The following SOX5 variants were observed in gnomAD, a reference collection of about 807,000 sequenced individuals.
SOX5 encodes the protein SRY-box transcription factor 5.
Under a neutral mutation model 92.0 loss-of-function variants are expected in SOX5, and 9 were observed. That is an observed-to-expected ratio of 0.10 (90% CI 0.06 to 0.17). The LOEUF (loss-of-function observed/expected upper bound fraction) is 0.17. Among genes scored for constraint, SOX5 ranks in the 10% least tolerant of loss-of-function variants. The probability of loss-of-function intolerance (pLI) is 1.00; values close to 1 mark genes in which losing one functional copy is unlikely to be tolerated. For synonymous variants in SOX5, 344 were observed against 336.3 expected (o/e 1.02, Z -0.25); for missense variants, 642 against 944.5 (o/e 0.68, Z 4.20).
At chr12:24,501,391 A>AT (rs965522857) in intron 1 of SOX5, among the ~76,000 whole-genome samples, 7 of 152,028 alleles carry the variant, frequency 4.6e-5, no homozygotes, top group Non-Finnish European at 2.9e-5. Flanking sequence ...AAAAAAAAAA[A>AT]ATATGTACAA....
intron 4 of SOX5, among the ~76,000 whole-genome samples, chr12:24,087,282 G>GA (rs1447581028): frequency 1.3e-5 from 2 of 151,892 alleles, no homozygotes; most frequent in Non-Finnish European, 2.9e-5. Context: ...AAATGCATAA[G>GA]AAAAAAGGAC....
intron 2 of SOX5, among the ~76,000 whole-genome samples, chr12:23,863,863 A>C (rs1228606236): frequency 6.6e-6 from 1 of 151,696 alleles, no homozygotes; most frequent in African/African-American, 2.4e-5. Context: ...GTATGGTCAC[A>C]AAATATGTTA....
chr12:24,008,031 C>T (rs1299745942), intron 4 of SOX5, among the ~76,000 whole-genome samples: 1 of 151,778 alleles, frequency 6.6e-6, no homozygotes, highest in Non-Finnish European at 1.5e-5. Flanking sequence ...ATAGCTGCCA[C>T]TCAATAAACC....
chr12:24,494,245 T>C (rs1458860827), intron 1 of SOX5, among the ~76,000 whole-genome samples: 1 of 152,168 alleles, frequency 6.6e-6, no homozygotes, highest in Non-Finnish European at 1.5e-5. Flanking sequence ...AAAATATAAA[T>C]AGCTCCTCTT....
chr12:24,071,693 C>G (rs1254608961), intron 4 of SOX5, among the ~76,000 whole-genome samples: 1 of 152,156 alleles, frequency 6.6e-6, no homozygotes, highest in Non-Finnish European at 1.5e-5. Flanking sequence ...CTCTGCCTCC[C>G]AAAGTGCTGG....
At chr12:23,832,832 A>G (rs956146607) in intron 3 of SOX5, among the ~76,000 whole-genome samples, 5 of 151,864 alleles carry the variant, frequency 3.3e-5, no homozygotes, top group African/African-American at 1.2e-4. Flanking sequence ...TAAAATTTGC[A>G]TTTCCTGCAA....
At chr12:23,887,550 G>A (rs2097081548) in intron 2 of SOX5, among the ~76,000 whole-genome samples, 1 of 152,094 alleles carries the variant, frequency 6.6e-6, no homozygotes, top group Non-Finnish European at 1.5e-5. Flanking sequence ...AAGAATTCAC[G>A]TAAGTCTCCG....
At chr12:24,153,028 C>T (rs1233274972) in intron 4 of SOX5, among the ~76,000 whole-genome samples, 1 of 152,092 alleles carries the variant, frequency 6.6e-6, no homozygotes, top group African/African-American at 2.4e-5. Flanking sequence ...TGGAGCAGAA[C>T]CTGACCAGGA....
intron 6 of SOX5, among the ~76,000 whole-genome samples, chr12:23,687,131 A>T (rs1239834048): frequency 6.6e-6 from 1 of 152,116 alleles, no homozygotes; most frequent in Non-Finnish European, 1.5e-5. Flanking sequence ...TACGTATTAT[A>T]AATATGCACT....
chr12:23,728,519 T>G (rs1241819673), intron 6 of SOX5, among the ~76,000 whole-genome samples: 1 of 152,210 alleles, frequency 6.6e-6, no homozygotes, highest in Non-Finnish European at 1.5e-5. Context: ...TTATTTCACC[T>G]GTAACATTAT....
chr12:23,652,577 T>C (rs1257028935), intron 7 of SOX5, among the ~76,000 whole-genome samples: 1 of 149,462 alleles, frequency 6.7e-6, no homozygotes, highest in East Asian at 2.0e-4. Flanking sequence ...CACCTTCACA[T>C]GTACAAAATG....
At chr12:24,524,589 T>A (rs1755003976) in intron 1 of SOX5, among the ~76,000 whole-genome samples, 1 of 152,092 alleles carries the variant, frequency 6.6e-6, no homozygotes, top group Non-Finnish European at 1.5e-5. Flanking sequence ...CCACTAATCA[T>A]CAGAGAAATG....
intron 4 of SOX5, among the ~76,000 whole-genome samples, chr12:24,117,812 G>C (rs1948181106): frequency 6.6e-6 from 1 of 151,872 alleles, no homozygotes; most frequent in Admixed American, 6.6e-5. Context: ...TTGAGGCGAG[G>C]GATTCAAGAC....
chr12:24,487,141 A>G (rs764227647), intron 1 of SOX5, among the ~76,000 whole-genome samples: 12 of 152,196 alleles, frequency 7.9e-5, no homozygotes, highest in Non-Finnish European at 1.6e-4. Flanking sequence ...ATTCTAAAGA[A>G]TATTTAAACT....
Position 24,494,197 on chromosome 12 carries a change from G to T in SOX5, c.-251+68132C>A, listed in dbSNP as rs568711796. Among the ~76,000 whole-genome samples, 4 of 152,090 alleles carry T rather than the reference G, an allele frequency of 2.6e-5. No individual in the cohort carries two copies. The South Asian group carries it at 8.3e-4, about 31-fold the overall frequency. On this transcript the variant is annotated intron_variant, in intron 1 of 4. Coordinates refer to the SOX5 transcript ENST00000446891. ...TATGGAAGTAACTCCATACACTTTCGTTCCCCCTACAGCAGACAGGACTGG... is the reference window on the plus strand; with the variant it reads ...TATGGAAGTAACTCCATACACTTTCTTTCCCCCTACAGCAGACAGGACTGG...
intron 1 of SOX5, among the ~76,000 whole-genome samples, chr12:24,383,303 C>T (rs778432007): frequency 6.6e-6 from 1 of 152,144 alleles, no homozygotes; most frequent in South Asian, 2.1e-4. Flanking sequence ...CTTTATGTAA[C>T]GATTTGTTTT....
At chr12:23,609,587 T>G (rs1383771802) in intron 8 of SOX5, among the ~76,000 whole-genome samples, 1 of 152,212 alleles carries the variant, frequency 6.6e-6, no homozygotes, top group African/African-American at 2.4e-5. Flanking sequence ...TTCATAAGTA[T>G]GTAAGTAATC....
intron 1 of SOX5, among the ~76,000 whole-genome samples, chr12:23,904,409 T>C (rs2097269209): frequency 3.9e-5 from 6 of 152,000 alleles, no homozygotes; most frequent in Admixed American, 3.9e-4. Context: ...TAAATTGAAG[T>C]AGAAACACAG....
intron 1 of SOX5, among the ~76,000 whole-genome samples, chr12:23,925,451 G>C (rs938064789): frequency 5.3e-5 from 8 of 151,956 alleles, no homozygotes; most frequent in African/African-American, 1.9e-4. Context: ...AACTTCACAG[G>C]CAATTTCAGA....
Sources: gnomAD v4.1 joint callset for allele counts (sites outside exome capture counted in the v4.1 genomes callset) on GRCh38, gnomAD v4.1.1 for gene constraint, MANE v1.5 for transcripts, NCBI Gene and HGNC (gene_info 2026-07-23, HGNC 2026-07-21) for gene names.